The following VAC14 variants were observed in gnomAD, a reference collection of about 807,000 sequenced individuals.
VAC14 encodes protein VAC14 homolog.
In VAC14, 47 loss-of-function variants were observed where a neutral mutation model predicts 85.3. That is an observed-to-expected ratio of 0.55 (90% CI 0.44 to 0.70). The LOEUF is 0.70. VAC14 is among the 30% of genes least tolerant of loss of function. VAC14 has a pLI of 0.00. For missense variants in VAC14, 861 were observed against 1,004.3 expected, an observed-to-expected ratio of 0.86 and a Z score of 1.93; for synonymous variants, 447 against 430.5, an observed-to-expected ratio of 1.04 and a Z score of -0.47.
intron 9 of VAC14, among the ~76,000 whole-genome samples, chr16:70,774,726 C>CCCCT (rs1201859005): frequency 7.0e-6 from 1 of 142,954 alleles, no homozygotes; most frequent in South Asian, 2.3e-4. Flanking sequence ...TCTCCCCTCT[C>CCCCT]CCCTCCCTCC....
intron 18 of VAC14, 116 bp from the exon 19 acceptor site, chr16:70,688,206 G>C: frequency 7.4e-7 from 1 of 1,343,392 alleles, no homozygotes; most frequent in East Asian, 2.8e-5. Flanking sequence ...GCCTGTGGGC[G>C]TCTGTCTCAG....
At chr16:70,699,287 A>G (rs1472301742) in intron 14 of VAC14, 2 of 187,926 alleles carry the variant, frequency 1.1e-5, no homozygotes, top group East Asian at 1.2e-4. Flanking sequence ...CTCCTCCTGG[A>G]AGCCCCCGAG....
intron 1 of VAC14, among the ~76,000 whole-genome samples, chr16:70,787,544 T>C (rs1598015198): frequency 6.6e-6 from 1 of 152,006 alleles, no homozygotes; most frequent in Non-Finnish European, 1.5e-5. Context: ...GACTAGTCTG[T>C]TTTCAGAGCC....
At chr16:70,773,769 A>AT (rs1248968892) in intron 9 of VAC14, among the ~76,000 whole-genome samples, 2 of 151,772 alleles carry the variant, frequency 1.3e-5, no homozygotes, top group African/African-American at 4.8e-5. Flanking sequence ...TATTATTATT[A>AT]TTATTTTTTT....
intron 6 of VAC14, 46 bp downstream of exon 6, chr16:70,783,399 T>C (rs2033904217): frequency 6.3e-7 from 1 of 1,587,416 alleles, no homozygotes; most frequent in Admixed American, 1.7e-5. Context: ...TGGGCACAGC[T>C]GGGGGTGGCA....
chr16:70,734,338 G>T (rs1202347686), intron 13 of VAC14, among the ~76,000 whole-genome samples: 1 of 151,292 alleles, frequency 6.6e-6, no homozygotes, highest in Non-Finnish European at 1.5e-5. Flanking sequence ...TCCCTATGTT[G>T]CCCAGGCTAG....
chr16:70,735,456 CTG>C (rs1179140278), intron 13 of VAC14, among the ~76,000 whole-genome samples: 1 of 152,214 alleles, frequency 6.6e-6, no homozygotes, highest in Non-Finnish European at 1.5e-5. Context: ...GACAGACTGA[CTG>C]TATTTGATGC....
intron 9 of VAC14, 64 bp from the exon 10 acceptor site, chr16:70,772,236 C>T: frequency 7.1e-7 from 1 of 1,401,414 alleles, no homozygotes; most frequent in Admixed American, 1.7e-5. Context: ...AAACAAGACC[C>T]CTGTGACAAG....
intron 15 of VAC14, 140 bp downstream of exon 15, chr16:70,698,497 A>G: frequency 9.7e-7 from 1 of 1,028,952 alleles, no homozygotes; most frequent in Non-Finnish European, 1.4e-6. Context: ...CCTATTTCCC[A>G]GTGGACCAGG....
intron 9 of VAC14, 62 bp from the exon 10 acceptor site, chr16:70,772,234 C>T (rs1303811354): frequency 1.7e-5 from 24 of 1,410,794 alleles, no homozygotes; most frequent in African/African-American, 2.8e-5. Context: ...ATAAACAAGA[C>T]CCCTGTGACA....
intron 13 of VAC14, 64 bp downstream of exon 13, chr16:70,744,359 C>G: frequency 6.2e-7 from 1 of 1,602,220 alleles, no homozygotes; most frequent in East Asian, 2.2e-5. Flanking sequence ...CCGCCATGGT[C>G]CAGCCTAAGA....
Position 70,767,359 on chromosome 16 carries a change from T to C in VAC14, c.1161-4334A>G, listed in dbSNP as rs534543049. 1.5e-4 allele frequency among the ~76,000 whole-genome samples: 23 copies of C among 152,348 alleles called. No individual in the cohort carries two copies. The East Asian group carries it at 2.3e-3, about 15-fold the overall frequency. ...ATCAGAAGAAAGGTAAATCTAAAAATAGAATTGCTTCTGAAATTGAACTTG... is the reference window on the plus strand; with the variant it reads ...ATCAGAAGAAAGGTAAATCTAAAAACAGAATTGCTTCTGAAATTGAACTTG... On this transcript the variant is annotated intron_variant, in intron 10 of 18. Transcript: ENST00000261776.
intron 12 of VAC14, among the ~76,000 whole-genome samples, chr16:70,750,780 C>T (rs1045856769): frequency 6.6e-6 from 1 of 152,088 alleles, no homozygotes; most frequent in Non-Finnish European, 1.5e-5. Flanking sequence ...TCCATCCAGG[C>T]CCTCACTGTC....
Position 70,783,437 on chromosome 16 carries a change from C to T in VAC14, c.704+8G>A. ...AGGCAGCAGCTTCCTGCCCCTTACT[C>T]CACTCACATTTTGCGAATCTCTTTG... On this transcript the variant is annotated splice_region_variant and intron_variant, in intron 6 of 18. Coordinates refer to ENST00000261776, the MANE Select transcript of VAC14 (RefSeq NM_018052.5). 6.2e-7 allele frequency: 1 copy of T among 1,613,776 alleles called. No homozygotes were observed. The highest frequency in any genetic ancestry group is 8.5e-7 in the Non-Finnish European group (1 of 1,179,892).
chr16:70,795,975 C>G (rs1024789092), intron 1 of VAC14, among the ~76,000 whole-genome samples: 3 of 152,182 alleles, frequency 2.0e-5, no homozygotes. Context: ...GCATTTCTCC[C>G]CCACATTAGA....
chr16:70,745,728 C>T (rs182497704), intron 12 of VAC14, among the ~76,000 whole-genome samples: 86 of 152,316 alleles, frequency 5.6e-4, no homozygotes, highest in South Asian at 2.1e-3. Context: ...ACTGTCCCTG[C>T]GCCCAGCAGA....
At chr16:70,780,669 G>C in intron 9 of VAC14, 121 bp downstream of exon 9, 1 of 1,277,876 alleles carries the variant, frequency 7.8e-7, no homozygotes, top group South Asian at 1.5e-5. Context: ...TGCTACAATT[G>C]TGTGAGTGAC....
At chr16:70,736,315 G>A (rs1007005455) in intron 13 of VAC14, among the ~76,000 whole-genome samples, 2 of 152,220 alleles carry the variant, frequency 1.3e-5, no homozygotes, top group Non-Finnish European at 2.9e-5. Flanking sequence ...ATTAGCAAGC[G>A]TCCCATAGCG....
At chr16:70,785,324 G>A (rs1254868570) in intron 3 of VAC14, among the ~76,000 whole-genome samples, 2 of 152,220 alleles carry the variant, frequency 1.3e-5, no homozygotes, top group Non-Finnish European at 2.9e-5. Context: ...GAGAGCATGA[G>A]CTTTTTCTAG....
Sources: gnomAD v4.1 joint callset for allele counts (sites outside exome capture counted in the v4.1 genomes callset) on GRCh38, gnomAD v4.1.1 for gene constraint, MANE v1.5 for transcripts, NCBI Gene and HGNC (gene_info 2026-07-23, HGNC 2026-07-21) for gene names.